Variants in SLAMF8 observed in about 807,000 individuals in gnomAD.
SLAMF8 encodes the protein SLAM family member 8, also known as B lymphocyte activator macrophage expressed.
SLAMF8 carries 23 observed loss-of-function variants against 29.0 expected under a neutral mutation model. That is an observed-to-expected ratio of 0.79 (90% CI 0.57 to 1.13). The LOEUF (loss-of-function observed/expected upper bound fraction) is 1.13, where lower values mean the gene tolerates loss of function less well. SLAMF8 is among the 50% of genes most tolerant of loss of function. SLAMF8 has a pLI of 0.00. For synonymous variants in SLAMF8, 139 were observed against 145.6 expected, an observed-to-expected ratio of 0.96 and a Z score of 0.32; for missense variants, 381 against 353.1, an observed-to-expected ratio of 1.08 and a Z score of -0.63.
chr1:159,836,812 A>T lies in SLAMF8; in HGVS notation c.*1552A>T. On this transcript the variant is annotated 3_prime_UTR_variant, in exon 5 of 5. Coordinates refer to ENST00000289707, the MANE Select transcript of SLAMF8 (RefSeq NM_020125.3). ...TCCCTGTTGGTAACCTGGCTTTATC[A>T]AATTCTCATCCCTTTCCCACACCCA... 1.0e-6 allele frequency: 1 copy of T among 985,450 alleles called. No homozygotes were observed. The highest frequency in any genetic ancestry group is 1.2e-6 in the Non-Finnish European group (1 of 830,004). The allele number at this position is 985,450 out of a possible 1,614,324, so 61.0% of individuals were successfully genotyped here.
At chr1:159,834,020 G>T (rs1647701089) in intron 4 of SLAMF8, among the ~76,000 whole-genome samples, 1 of 152,192 alleles carries the variant, frequency 6.6e-6, no homozygotes, top group Non-Finnish European at 1.5e-5. Flanking sequence ...TGATAGGGTT[G>T]CCTTCTTGAG....
At chr1:159,827,035 T>TTCTCACCCAGGTC in intron 1 of SLAMF8, 97 bp downstream of exon 1, 2 of 1,479,676 alleles carry the variant, frequency 1.4e-6, no homozygotes, top group Non-Finnish European at 1.9e-6. Context: ...TCGACCTGGG[T>TTCTCACCCAGGTC]GAGAACCCAG....
chr1:159,833,506 C>A, intron 4 of SLAMF8, 137 bp downstream of exon 4: 2 of 1,251,188 alleles, frequency 1.6e-6, no homozygotes, highest in Non-Finnish European at 2.2e-6. Context: ...TTGGCCTTCT[C>A]TAGCTCATAT....
chr1:159,835,106 C>A, intron 4 of SLAMF8, 78 bp from the exon 5 acceptor site: 1 of 1,397,804 alleles, frequency 7.2e-7, no homozygotes, highest in African/African-American at 1.4e-5. Context: ...ACTGAGGATT[C>A]AGAGGCCTGC....
intron 1 of SLAMF8, among the ~76,000 whole-genome samples, chr1:159,828,602 G>A (rs535480263): frequency 2.8e-4 from 42 of 152,310 alleles, no homozygotes; most frequent in Middle Eastern, 3.4e-3. Flanking sequence ...TTCTTAAACA[G>A]TGGTGGGCAC....
In SLAMF8 at chr1:159,832,871, C is replaced by T; in HGVS notation, c.368-5C>T. The T allele has an allele frequency of 6.2e-7, 1 of 1,611,062 alleles. No homozygotes were observed. The highest frequency in any genetic ancestry group is 8.5e-7 in the Non-Finnish European group (1 of 1,177,488). The stretch of plus-strand genomic sequence containing the variant: ...ACCCATACCAGCTGTACTTTTCTTT[C>T]CCAGATGCAGTGCCCAGGCCCGTGG... On this transcript the variant is annotated splice_region_variant and splice_polypyrimidine_tract_variant and intron_variant, in intron 2 of 4. Coordinates refer to ENST00000289707, the MANE Select transcript of SLAMF8 (RefSeq NM_020125.3).
intron 1 of SLAMF8, 88 bp downstream of exon 1, chr1:159,827,026 C>T (rs1210152625): frequency 9.1e-6 from 14 of 1,537,058 alleles, no homozygotes; most frequent in South Asian, 6.8e-5. Context: ...AGGGATCCCT[C>T]GACCTGGGTG....
intron 2 of SLAMF8, among the ~76,000 whole-genome samples, chr1:159,830,741 T>A (rs746261371): frequency 1.3e-5 from 2 of 152,248 alleles, no homozygotes; most frequent in African/African-American, 2.4e-5. Context: ...CAAATTATAA[T>A]GAAACTGTAA....
chr1:159,832,459 T>C (rs1647553289), intron 2 of SLAMF8, among the ~76,000 whole-genome samples: 1 of 152,176 alleles, frequency 6.6e-6, no homozygotes, highest in Admixed American at 6.5e-5. Context: ...CTGGGAAGGC[T>C]TCACAGTCAA....
Position 159,833,005 on chromosome 1 carries a change from G to C in SLAMF8, c.497G>C (p.Arg166Pro), listed in dbSNP as rs186733189. The change falls in exon 3 of 5, where the codon CGG becomes CCG. Residue 166 changes from arginine to proline, a missense_variant. Physicochemically the swap from Arg to Pro is moderately radical, Grantham distance 103. Coordinates refer to ENST00000289707, the MANE Select transcript of SLAMF8 (RefSeq NM_020125.3). ...AGCGAAATAACCTATAGCTGGCGAC[G>C]GGAGACAACCATGGACTTTGGTATG... Reference protein sequence around the residue: ...NISEITYSWRRETTMDFGMEP... With the variant: ...NISEITYSWRPETTMDFGMEP... The C allele has an allele frequency of 3.7e-6, 6 of 1,614,196 alleles. No homozygotes were observed. In the Admixed American group the frequency reaches 1.0e-4, roughly 27 times the overall value.
chr1:159,836,565 AT>A lies in SLAMF8; in HGVS notation c.*1307del. 1.0e-6 allele frequency: 1 copy of A among 985,454 alleles called. No homozygotes were observed. Among genetic ancestry groups the A allele is most frequent in the Non-Finnish European group, 1.2e-6 (1 of 829,950 alleles). The allele number at this position is 985,454 out of a possible 1,614,324, so 61.0% of individuals were successfully genotyped here. A position where few individuals can be genotyped will look rare whatever the true frequency, so the allele number is the denominator to read the frequency against. On this transcript the variant is annotated 3_prime_UTR_variant, in exon 5 of 5. Transcript: ENST00000289707. ...TCTTGATAACAGCGAGGAAAGAGGT[AT>A]TGAAGAAACAGGGGTGGGTTTGAAG...
In SLAMF8 at chr1:159,836,978, C is replaced by T. The variant is rs1279634758; in HGVS notation, c.*1718C>T. 1 of 985,434 alleles carries T rather than the reference C, an allele frequency of 1.0e-6. No individual in the cohort carries two copies. Among genetic ancestry groups the T allele is most frequent in the East Asian group, 1.1e-4 (1 of 8,816 alleles). The allele number at this position is 985,434 out of a possible 1,614,324, so 61.0% of individuals were successfully genotyped here. On this transcript the variant is annotated 3_prime_UTR_variant, in exon 5 of 5. Transcript: ENST00000289707. The stretch of plus-strand genomic sequence containing the variant: ...GAATCATGCAAAACTGGCCTCAGTC[C>T]CTAAAAATGATGTGGAAAGGAAAGC...
chr1:159,831,412 A>C (rs530401529), intron 2 of SLAMF8, among the ~76,000 whole-genome samples: 6 of 151,760 alleles, frequency 4.0e-5, no homozygotes, highest in Non-Finnish European at 7.4e-5. Context: ...CCTGAGCCTC[A>C]TCTTGGCAAG....
In SLAMF8 at chr1:159,833,663, C is replaced by A. The variant is rs182541754; in HGVS notation, c.781+294C>A. ...CCATGATTTCCCACCCAGCCTCCCC[C>A]CTTCATGTGGCTATCTCATACTCAG... On this transcript the variant is annotated intron_variant, in intron 4 of 4. Coordinates refer to ENST00000289707, the MANE Select transcript of SLAMF8 (RefSeq NM_020125.3). Among the ~76,000 whole-genome samples the A allele has an allele frequency of 1.6e-3, 237 of 152,310 alleles. 1 individual carries two copies. Among genetic ancestry groups the A allele is most frequent in the African/African-American group, 5.1e-3 (210 of 41,546 alleles).
chr1:159,826,885 C>T lies in SLAMF8; in HGVS notation c.-14C>T, dbSNP rs767595771. On this transcript the variant is annotated 5_prime_UTR_variant, in exon 1 of 5. Transcript: ENST00000289707. ...TTGGCTGTCGAGGGAGTTTGCCTGC[C>T]TCTCCAGAGAAAGATGGTCATGAGG... The T allele has an allele frequency of 1.2e-6, 2 of 1,614,136 alleles. No individual in the cohort carries two copies. Among genetic ancestry groups the T allele is most frequent in the Non-Finnish European group, 1.7e-6 (2 of 1,180,010 alleles).
intron 2 of SLAMF8, among the ~76,000 whole-genome samples, chr1:159,831,405 G>A (rs1045004323): frequency 2.0e-5 from 3 of 151,904 alleles, no homozygotes; most frequent in South Asian, 2.1e-4. Flanking sequence ...ACGCAGCCCT[G>A]AGCCTCATCT....
In SLAMF8 at chr1:159,836,080, T is replaced by C. The variant is rs573204090; in HGVS notation, c.*820T>C. The C allele has an allele frequency of 1.0e-6, 1 of 985,456 alleles. No individual in the cohort carries two copies. Among genetic ancestry groups the C allele is most frequent in the East Asian group, 1.1e-4 (1 of 8,820 alleles). 61.0% of individuals were successfully genotyped at this position (985,456 alleles called of 1,614,324 possible). A position where few individuals can be genotyped will look rare whatever the true frequency, so the allele number is the denominator to read the frequency against. ...TGGCCAGGAAAAGAAATACTGAATT[T>C]GCCCCAGCCAACAGGACGTTCTTGC... On this transcript the variant is annotated 3_prime_UTR_variant, in exon 5 of 5. Transcript: ENST00000289707.
chr1:159,831,963 T>A (rs1647518544), intron 2 of SLAMF8, among the ~76,000 whole-genome samples: 1 of 152,216 alleles, frequency 6.6e-6, no homozygotes, highest in South Asian at 2.1e-4. Flanking sequence ...CAGACTGAAC[T>A]GGCATTAACG....
Position 159,832,905 on chromosome 1 carries a change from T to A in SLAMF8, c.397T>A (p.Phe133Ile). Residue 133 changes from phenylalanine (F) to isoleucine (I), a missense_variant, in exon 3 of 5, where the codon TTC (phenylalanine) becomes ATC (isoleucine). Transcript: ENST00000289707. ...AGTGCCCAGGCCCGTGGTACAAGTG[T>A]TCATTGCTGTAGAAAGGGATGCTCA... The part of the protein sequence containing the change: ...DAVPRPVVQV[F>I]IAVERDAQPS... 6.2e-7 allele frequency: 1 copy of A among 1,614,200 alleles called. No individual in the cohort carries two copies.
Sources: gnomAD v4.1 joint callset for allele counts (sites outside exome capture counted in the v4.1 genomes callset) on GRCh38, gnomAD v4.1.1 for gene constraint, MANE v1.5 for transcripts, NCBI Gene and HGNC (gene_info 2026-07-23, HGNC 2026-07-21) for gene names.